The following ZYG11A variants were observed in gnomAD, a reference collection of about 807,000 sequenced individuals.
ZYG11A encodes protein zyg-11 homolog A.
In ZYG11A, 62 loss-of-function variants were observed where a neutral mutation model predicts 77.2. The ratio of observed to expected loss-of-function variants is 0.80; its 90% CI spans 0.65 to 0.99. The LOEUF (loss-of-function observed/expected upper bound fraction) is 0.99. ZYG11A is among the 50% of genes least tolerant of loss of function. The pLI is 0.00. For missense variants in ZYG11A, 828 were observed against 896.8 expected (o/e 0.92, Z 0.98); for synonymous variants, 315 against 324.6 (o/e 0.97, Z 0.32).
intron 4 of ZYG11A, 133 bp from the exon 5 acceptor site, chr1:52,863,848 A>C: frequency 1.3e-6 from 1 of 775,730 alleles, no homozygotes. Context: ...GATGTTCTAA[A>C]GAATAAATGC....
chr1:52,892,467 G>A (rs1380194362), intron 13 of ZYG11A, among the ~76,000 whole-genome samples: 10 of 151,464 alleles, frequency 6.6e-5, no homozygotes, highest in Non-Finnish European at 1.3e-4. Flanking sequence ...GGTGGAGGTT[G>A]CAGTGAACCG....
At chr1:52,849,721 C>T (rs868566548) in intron 1 of ZYG11A, among the ~76,000 whole-genome samples, 1 of 146,952 alleles carries the variant, frequency 6.8e-6, no homozygotes, top group African/African-American at 2.5e-5. Context: ...CTCCCTCTGT[C>T]GCCCAGGCTG....
At chr1:52,858,852 T>C (rs1645868698) in intron 3 of ZYG11A, among the ~76,000 whole-genome samples, 1 of 151,980 alleles carries the variant, frequency 6.6e-6, no homozygotes, top group African/African-American at 2.4e-5. Flanking sequence ...AGACCTCAGG[T>C]GATCCACCTG....
At chr1:52,852,815 T>A (rs147194004) in intron 1 of ZYG11A, among the ~76,000 whole-genome samples, 1 of 152,314 alleles carries the variant, frequency 6.6e-6, no homozygotes, top group Non-Finnish European at 1.5e-5. Context: ...TTAAATGTGC[T>A]CAGAACTCTT....
intron 8 of ZYG11A, among the ~76,000 whole-genome samples, chr1:52,869,027 G>A (rs1646085153): frequency 6.6e-6 from 1 of 151,958 alleles, no homozygotes. Context: ...TAGAGACAGA[G>A]TTTCACTATG....
At chr1:52,885,972 G>C (rs150175951) in intron 12 of ZYG11A, 78 bp downstream of exon 12, 4 of 1,175,400 alleles carry the variant, frequency 3.4e-6, no homozygotes, top group South Asian at 1.6e-5. Flanking sequence ...TTGCTCAGTC[G>C]CCCAGGCTGG....
At chr1:52,888,380 G>A (rs375675739) in intron 13 of ZYG11A, among the ~76,000 whole-genome samples, 3 of 152,116 alleles carry the variant, frequency 2.0e-5, no homozygotes, top group Non-Finnish European at 2.9e-5. Context: ...TTTCTGAGAC[G>A]GAGTTTCACT....
intron 8 of ZYG11A, among the ~76,000 whole-genome samples, chr1:52,868,451 TTA>T (rs1486669104): frequency 1.3e-4 from 20 of 152,188 alleles, no homozygotes; most frequent in Non-Finnish European, 1.5e-4. Context: ...TAATCAGTAT[TTA>T]TGTTATGATT....
chr1:52,883,748 C>T (rs1016991855), intron 11 of ZYG11A, among the ~76,000 whole-genome samples: 5 of 151,798 alleles, frequency 3.3e-5, no homozygotes, highest in Non-Finnish European at 5.9e-5. Context: ...TTTTCCTGTT[C>T]GTCCAAGGCT....
chr1:52,884,340 C>CA (rs1456273085), intron 11 of ZYG11A, among the ~76,000 whole-genome samples: 1 of 151,644 alleles, frequency 6.6e-6, no homozygotes, highest in Non-Finnish European at 1.5e-5. Context: ...ACTAAAAATA[C>CA]AAAAAATTAG....
chr1:52,853,450 C>T (rs1645751154), intron 1 of ZYG11A, among the ~76,000 whole-genome samples: 1 of 152,064 alleles, frequency 6.6e-6, no homozygotes, highest in Non-Finnish European at 1.5e-5. Context: ...AGTGAATGAC[C>T]ATGTAATCTC....
chr1:52,845,531 C>T (rs891387029), intron 1 of ZYG11A, among the ~76,000 whole-genome samples: 6 of 151,776 alleles, frequency 4.0e-5, no homozygotes, highest in African/African-American at 1.5e-4. Flanking sequence ...ACCATGTTGC[C>T]CAGGCTGGTC....
At chr1:52,871,293 C>T (rs761850424) in intron 8 of ZYG11A, among the ~76,000 whole-genome samples, 7 of 152,046 alleles carry the variant, frequency 4.6e-5, no homozygotes, top group Non-Finnish European at 4.4e-5. Flanking sequence ...AGCCTCCTCA[C>T]GTTTTTAATC....
At chr1:52,851,659 C>G (rs1254443128) in intron 1 of ZYG11A, among the ~76,000 whole-genome samples, 1 of 152,024 alleles carries the variant, frequency 6.6e-6, no homozygotes, top group Non-Finnish European at 1.5e-5. Context: ...CTCTGCCTCC[C>G]AAAGTGTTGG....
intron 1 of ZYG11A, among the ~76,000 whole-genome samples, chr1:52,845,086 G>A (rs1037348306): frequency 2.0e-5 from 3 of 151,904 alleles, no homozygotes; most frequent in African/African-American, 4.8e-5. Context: ...TAGTAAGTTC[G>A]TATGCATTTA....
At chr1:52,886,410 A>G (rs1448303603) in intron 12 of ZYG11A, among the ~76,000 whole-genome samples, 4 of 152,234 alleles carry the variant, frequency 2.6e-5, no homozygotes, top group African/African-American at 9.6e-5. Context: ...GCAATGAGAT[A>G]CTGATCATAA....
In ZYG11A at chr1:52,857,266, G is replaced by A; in HGVS notation, c.525G>A (p.Leu175=). ...STSIPQNSRL[L]FFSQLTGLRI... ...GCATCCCTCAAAATTCAAGATTACT[G>A]TTCTTTAGTCAGCTCACTGGTCTTC... Residue 175 remains leucine (L), a synonymous_variant, in exon 3 of 14, where the codon CTG becomes CTA. Coordinates refer to ENST00000371528, the MANE Select transcript of ZYG11A (RefSeq NM_001004339.3). The A allele has an allele frequency of 1.3e-6, 2 of 1,552,094 alleles. No homozygotes were observed. Among genetic ancestry groups the A allele is most frequent in the Non-Finnish European group, 1.7e-6 (2 of 1,147,122 alleles).
chr1:52,889,367 A>T (rs1646500727), intron 13 of ZYG11A, among the ~76,000 whole-genome samples: 1 of 152,058 alleles, frequency 6.6e-6, no homozygotes, highest in Admixed American at 6.6e-5. Context: ...AAGTCAACCT[A>T]AAGATAATTC....
intron 1 of ZYG11A, among the ~76,000 whole-genome samples, chr1:52,849,484 C>T (rs1645663945): frequency 6.6e-6 from 1 of 151,770 alleles, no homozygotes; most frequent in Non-Finnish European, 1.5e-5. Flanking sequence ...CATGTCTCAG[C>T]CTCCTGAGTA....
Sources: allele counts gnomAD v4.1 joint callset (sites outside exome capture counted in the v4.1 genomes callset), GRCh38; gene constraint gnomAD v4.1.1; transcripts MANE v1.5; gene names NCBI Gene and HGNC (gene_info 2026-07-23, HGNC 2026-07-21).